The following FBXO10 variants were observed in gnomAD, a reference collection of about 807,000 sequenced individuals.
FBXO10 encodes the protein F-box protein 10, also known as F-box only protein 10.
Under a neutral mutation model 80.7 loss-of-function variants are expected in FBXO10, and 39 were observed. That is an observed-to-expected ratio of 0.48 (90% CI 0.37 to 0.63). FBXO10 has a LOEUF of 0.63. FBXO10 is among the 30% of genes least tolerant of loss of function. The probability of loss-of-function intolerance (pLI) is 0.00; values close to 1 mark genes in which losing one functional copy is unlikely to be tolerated. For missense variants in FBXO10, 1,025 were observed against 1,269.0 expected (o/e 0.81, Z 2.92); for synonymous variants, 449 against 489.6 (o/e 0.92, Z 1.09).
chr9:37,529,563 T>C (rs1396705788), intron 4 of FBXO10, among the ~76,000 whole-genome samples: 1 of 152,194 alleles, frequency 6.6e-6, no homozygotes, highest in Non-Finnish European at 1.5e-5. Context: ...GAGCCTCTAA[T>C]GAGTCCCCTA....
intron 1 of FBXO10, among the ~76,000 whole-genome samples, chr9:37,564,141 C>T (rs1043567179): frequency 6.6e-6 from 1 of 152,248 alleles, no homozygotes; most frequent in Non-Finnish European, 1.5e-5. Context: ...ACAGCTTGGG[C>T]CATTGCTTCA....
Position 37,521,697 on chromosome 9 carries a change from G to A in FBXO10, c.2072C>T (p.Ala691Val), listed in dbSNP as rs1821350209. 6.2e-7 allele frequency: 1 copy of A among 1,613,814 alleles called. No homozygotes were observed. The highest frequency in any genetic ancestry group is 1.3e-5 in the African/African-American group (1 of 74,892). ...CCCATCCTCGCTGAAGTTCTCTTGA[G>A]CCCTGTGGCCTCGAGGTAACTCGCT... ...GSSELPRGHRAQENFSEDGDA... is the reference protein window; with the variant it reads ...GSSELPRGHRVQENFSEDGDA... Residue 691 changes from alanine to valine, a missense_variant, in exon 8 of 11, where the codon GCT becomes GTT. Physicochemically the swap from Ala to Val is moderately conservative, Grantham distance 64. Around this residue, in one of 3 missense-constraint regions of FBXO10, gnomAD observed 478 missense variants for 667.8 expected, o/e 0.72. Transcript: ENST00000432825.
In FBXO10 at chr9:37,510,986, A is replaced by G. The variant is rs781282392; in HGVS notation, c.*1561T>C. The G allele has an allele frequency of 1.3e-5, 2 of 152,702 alleles. No homozygotes were observed. Among genetic ancestry groups the G allele is most frequent in the Non-Finnish European group, 2.9e-5 (2 of 68,048 alleles). 9.5% of individuals were successfully genotyped at this position (152,702 alleles called of 1,614,324 possible). On this transcript the variant is annotated 3_prime_UTR_variant, in exon 11 of 11. Coordinates refer to ENST00000432825, the MANE Select transcript of FBXO10 (RefSeq NM_012166.3). Reference sequence around the variant, plus strand: ...TCATTTCTTAGAAAATAGTAACGGCAGCATTTTTTACAGCGACTCACATTG... The same window carrying G: ...TCATTTCTTAGAAAATAGTAACGGCGGCATTTTTTACAGCGACTCACATTG...
chr9:37,542,062 C>T (rs1821933565), intron 1 of FBXO10, among the ~76,000 whole-genome samples: 1 of 151,968 alleles, frequency 6.6e-6, no homozygotes, highest in Non-Finnish European at 1.5e-5. Flanking sequence ...TTCCCGACCT[C>T]AGGTGATCTG....
chr9:37,553,916 CAAAAAAAAAAAAAA>C (rs71494669), intron 1 of FBXO10, among the ~76,000 whole-genome samples: 2 of 64,332 alleles, frequency 3.1e-5, no homozygotes, highest in African/African-American at 6.5e-5. Context: ...AAGTCTGCCT[CAAAAAAAAAAAAAA>C]AAAAAAAAAG....
At chr9:37,522,649 T>C (rs1409773167) in intron 7 of FBXO10, among the ~76,000 whole-genome samples, 176 bp downstream of exon 7, 1 of 152,150 alleles carries the variant, frequency 6.6e-6, no homozygotes, top group Non-Finnish European at 1.5e-5. Context: ...GACTACAATG[T>C]GATTTGTAAG....
chr9:37,569,312 T>TGAATTAA (rs548362837), intron 1 of FBXO10, among the ~76,000 whole-genome samples: 13 of 148,924 alleles, frequency 8.7e-5, no homozygotes, highest in Non-Finnish European at 1.6e-4. Context: ...TGATAAAAAG[T>TGAATTAA]GAATTAAGAA....
At chr9:37,573,719 G>T (rs1822819335) in intron 1 of FBXO10, among the ~76,000 whole-genome samples, 1 of 152,120 alleles carries the variant, frequency 6.6e-6, no homozygotes, top group Admixed American at 6.5e-5. Context: ...AAAAAATAAG[G>T]AAAGACAAGA....
intron 8 of FBXO10, among the ~76,000 whole-genome samples, chr9:37,520,391 G>A (rs1236498216): frequency 7.3e-6 from 1 of 137,424 alleles, no homozygotes; most frequent in Admixed American, 7.9e-5. Flanking sequence ...CTAGAATACC[G>A]TGGTGCAATC....
chr9:37,575,818 A>G (rs1822880560), intron 1 of FBXO10, among the ~76,000 whole-genome samples: 1 of 152,062 alleles, frequency 6.6e-6, no homozygotes, highest in African/African-American at 2.4e-5. Flanking sequence ...CCAGCCCCAT[A>G]TTTGCCCCTG....
chr9:37,558,898 C>A (rs1423556865), intron 1 of FBXO10, among the ~76,000 whole-genome samples: 6 of 151,946 alleles, frequency 3.9e-5, no homozygotes, highest in African/African-American at 1.5e-4. Context: ...GCAACCTCCA[C>A]CTCCCAGGTT....
chr9:37,522,520 G>C lies in FBXO10; in HGVS notation c.1930+305C>G, dbSNP rs1334460689. ...TCAAAAGAAAGGATAAGAGGAGTTA[G>C]ATGCACATGAGCCAGGGCTGAAATG... On this transcript the variant is annotated intron_variant, in intron 7 of 10. Coordinates refer to ENST00000432825, the MANE Select transcript of FBXO10 (RefSeq NM_012166.3). 6 of 1,132,664 alleles carry C rather than the reference G, an allele frequency of 5.3e-6. No individual in the cohort carries two copies. The South Asian group carries it at 1.9e-4, about 36-fold the overall frequency. 70.2% of individuals were successfully genotyped at this position (1,132,664 alleles called of 1,614,324 possible).
At chr9:37,558,310 T>A (rs6476639) in intron 1 of FBXO10, among the ~76,000 whole-genome samples, 25,230 of 152,176 alleles carry the variant, frequency 0.17, 2,215 homozygotes, top group Middle Eastern at 0.25. Context: ...TGGTTGGTAT[T>A]CCAAGTCTCA....
intron 1 of FBXO10, among the ~76,000 whole-genome samples, chr9:37,555,531 C>T (rs1278634294): frequency 6.6e-6 from 1 of 152,072 alleles, no homozygotes; most frequent in Non-Finnish European, 1.5e-5. Context: ...CAGGCGCTCG[C>T]CACCATGCCC....
At chr9:37,528,786 T>C (rs1232763317) in intron 5 of FBXO10, among the ~76,000 whole-genome samples, 3 of 152,200 alleles carry the variant, frequency 2.0e-5, no homozygotes, top group African/African-American at 7.2e-5. Context: ...CAGGCACCAC[T>C]AGCAAGTAAC....
At chr9:37,524,314 G>A (rs1301886486) in intron 6 of FBXO10, among the ~76,000 whole-genome samples, 1 of 152,176 alleles carries the variant, frequency 6.6e-6, no homozygotes, top group Non-Finnish European at 1.5e-5. Context: ...CAGATGGGAT[G>A]TTTTTTGCTC....
At position 37,550,169 on chromosome 9, in the gene FBXO10, G is replaced by GTTTTTTTTTTTTTTTTTTTTTTTTTTTTT. The variant is rs74171511; in HGVS notation, c.-6-8424_-6-8396dup. ...CAGTTTTCTTTTTTTGTCGTCTCAG[G>GTTTTTTTTTTTTTTTTTTTTTTTTTTTTT]TTTTTTTTTTTTTTTTTTTTTTTTT... On this transcript the variant is annotated intron_variant, in intron 1 of 10. Coordinates refer to ENST00000432825, the MANE Select transcript of FBXO10 (RefSeq NM_012166.3). 5.9e-5 allele frequency among the ~76,000 whole-genome samples: 4 copies of GTTTTTTTTTTTTTTTTTTTTTTTTTTTTT among 68,030 alleles called. 2 individuals carry two copies. Among genetic ancestry groups the GTTTTTTTTTTTTTTTTTTTTTTTTTTTTT allele is most frequent in the Non-Finnish European group, 5.7e-5 (2 of 34,964 alleles). 44.6% of individuals were successfully genotyped at this position (68,030 alleles called of 152,430 possible). A position where few individuals can be genotyped will look rare whatever the true frequency, so the allele number is the denominator to read the frequency against.
intron 1 of FBXO10, among the ~76,000 whole-genome samples, chr9:37,544,523 A>G (rs1822002759): frequency 6.6e-6 from 1 of 152,220 alleles, no homozygotes; most frequent in South Asian, 2.1e-4. Context: ...TTTTATGAAA[A>G]TGCTAATCAT....
At chr9:37,559,941 G>T (rs967023604) in intron 1 of FBXO10, among the ~76,000 whole-genome samples, 6 of 152,244 alleles carry the variant, frequency 3.9e-5, no homozygotes, top group Non-Finnish European at 8.8e-5. Flanking sequence ...GAGGCTGAAA[G>T]AGCATATGAA....
Sources: gnomAD v4.1 joint callset for allele counts (sites outside exome capture counted in the v4.1 genomes callset) on GRCh38, gnomAD v4.1.1 for gene constraint, gnomAD v4.1.1 regional missense constraint, MANE v1.5 for transcripts, NCBI Gene and HGNC (gene_info 2026-07-23, HGNC 2026-07-21) for gene names.